Variants in AK9 observed in about 807,000 individuals in gnomAD.
AK9 encodes the protein adenylate kinase 9, also known as adenylate kinase domain containing 1.
Under a neutral mutation model 239.6 loss-of-function variants are expected in AK9, and 191 were observed. The observed-to-expected ratio is 0.80, with a 90% CI of 0.71 to 0.90. AK9 has a LOEUF of 0.90. Ranked by LOEUF, AK9 falls within the 40% of genes least tolerant of loss-of-function variation. The pLI is 0.00. For missense variants in AK9, 1,995 were observed against 2,214.7 expected (o/e 0.90, Z 1.99); for synonymous variants, 689 against 721.0 (o/e 0.96, Z 0.71).
rs890245775 is a variant in AK9, at chr6:109,514,306, T to C, written c.4197A>G (p.Lys1399=). ...TKEKFMKNPI[K]YIRQPKPKPT... ...GCTTAGGTTTGGGTTGGCGGATATA[T>C]TTGATTGGGTTCTTCATAAATTTTT... Residue 1399 remains lysine, a synonymous_variant, in exon 32 of 41, where the codon AAA becomes AAG. Transcript: ENST00000424296. 1.3e-6 allele frequency: 2 copies of C among 1,551,666 alleles called. No homozygotes were observed. Among genetic ancestry groups the C allele is most frequent in the South Asian group, 1.2e-5 (1 of 84,042 alleles).
intron 29 of AK9, chr6:109,527,510 T>C (rs1368752536): frequency 1.3e-5 from 2 of 152,254 alleles, no homozygotes; most frequent in East Asian, 3.9e-4. Flanking sequence ...CACTGACCAA[T>C]AGTAACAAGC....
At position 109,497,823 on chromosome 6, in the gene AK9, G is replaced by C. The variant is rs774082870; in HGVS notation, c.5189C>G (p.Pro1730Arg). Residue 1730 changes from proline (P) to arginine (R), a missense_variant, in exon 37 of 41, where the codon CCA becomes CGA. Coordinates refer to ENST00000424296, the MANE Select transcript of AK9 (RefSeq NM_001145128.3). Reference protein sequence around the residue: ...PKCAELQGYCPVTYKDGNQRY... With the variant: ...PKCAELQGYCRVTYKDGNQRY... ...TTGGTTTCCATCCTTATAGGTCACT[G>C]GACAGTAGCCCTGGAGCTCCGCACA... is the stretch of plus-strand genomic sequence containing the variant. 1.2e-5 allele frequency: 20 copies of C among 1,613,862 alleles called. No homozygotes were observed. The highest frequency in any genetic ancestry group is 1.7e-5 in the Non-Finnish European group (20 of 1,179,828).
At chr6:109,588,579 C>CT (rs1283589936) in intron 17 of AK9, among the ~76,000 whole-genome samples, 1 of 152,046 alleles carries the variant, frequency 6.6e-6, no homozygotes, top group African/African-American at 2.4e-5. Context: ...TCTTCAGAAA[C>CT]TTTTCATTTA....
intron 24 of AK9, among the ~76,000 whole-genome samples, chr6:109,556,990 C>T (rs1045487876): frequency 3.9e-5 from 6 of 152,170 alleles, no homozygotes; most frequent in African/African-American, 1.4e-4. Flanking sequence ...TCTGTCAGTT[C>T]ATCCATCTGA....
intron 17 of AK9, among the ~76,000 whole-genome samples, chr6:109,608,291 A>C (rs947159204): frequency 6.6e-6 from 1 of 151,620 alleles, no homozygotes; most frequent in Non-Finnish European, 1.5e-5. Flanking sequence ...AAAAAAAAAA[A>C]AAAAAAACTA....
chr6:109,596,993 G>C (rs952225673), intron 17 of AK9, among the ~76,000 whole-genome samples: 11 of 151,818 alleles, frequency 7.2e-5, no homozygotes, highest in African/African-American at 2.4e-4. Context: ...ACCCCTTACT[G>C]TTAAATATTT....
intron 17 of AK9, among the ~76,000 whole-genome samples, chr6:109,606,405 A>C (rs1792890075): frequency 6.6e-6 from 1 of 152,194 alleles, no homozygotes; most frequent in African/African-American, 2.4e-5. Context: ...TGCGAAGTAC[A>C]CAGAAATGAA....
intron 5 of AK9, among the ~76,000 whole-genome samples, chr6:109,670,416 A>T (rs1279508704): frequency 1.9e-4 from 29 of 152,208 alleles, no homozygotes; most frequent in Non-Finnish European, 2.9e-5. Context: ...GAAGGGAGTA[A>T]GTAGAAGTGT....
At position 109,632,905 on chromosome 6, in the gene AK9, A is replaced by G; in HGVS notation, c.1254+18T>C. 1 of 1,609,656 alleles carries G rather than the reference A, an allele frequency of 6.2e-7. No individual in the cohort carries two copies. Among genetic ancestry groups the G allele is most frequent in the Non-Finnish European group, 8.5e-7 (1 of 1,177,084 alleles). On this transcript the variant is annotated intron_variant, in intron 12 of 40. Coordinates refer to ENST00000424296, the MANE Select transcript of AK9 (RefSeq NM_001145128.3). ...TAGATAGATAGATAGATAGATAGAC[A>G]GATAGTTAGTTAGTCACCTTTCCTT... is the stretch of plus-strand genomic sequence containing the variant.
intron 8 of AK9, among the ~76,000 whole-genome samples, chr6:109,651,889 C>T (rs1157573327): frequency 2.0e-5 from 3 of 152,066 alleles, no homozygotes; most frequent in Non-Finnish European, 4.4e-5. Context: ...CAATAACAGG[C>T]TCTGAAATTG....
At chr6:109,602,688 C>T (rs1426638347) in intron 17 of AK9, among the ~76,000 whole-genome samples, 2 of 152,146 alleles carry the variant, frequency 1.3e-5, no homozygotes, top group East Asian at 3.8e-4. Flanking sequence ...GTTCCATTCT[C>T]CCTGTCACTT....
At chr6:109,601,831 C>A (rs1792025530) in intron 17 of AK9, among the ~76,000 whole-genome samples, 1 of 570 alleles carries the variant, frequency 1.8e-3, no homozygotes, top group African/African-American at 0.013. Flanking sequence ...TACCATTATG[C>A]AATGACCTTG....
chr6:109,539,166 G>A (rs1311540301), intron 27 of AK9, among the ~76,000 whole-genome samples: 4 of 152,116 alleles, frequency 2.6e-5, no homozygotes, highest in Admixed American at 2.6e-4. Flanking sequence ...TGCTAGGTTG[G>A]GGAAATTCTC....
At chr6:109,641,497 A>G (rs374722074) in intron 10 of AK9, 21 bp downstream of exon 10, 48 of 1,587,840 alleles carry the variant, frequency 3.0e-5, no homozygotes, top group Non-Finnish European at 4.1e-5. Context: ...TTAGACTTTC[A>G]GACAGTTCCA....
intron 7 of AK9, among the ~76,000 whole-genome samples, chr6:109,657,760 T>A (rs1799904368): frequency 6.6e-6 from 1 of 152,064 alleles, no homozygotes; most frequent in South Asian, 2.1e-4. Context: ...CCAAGTGTTC[T>A]CATTATTCAA....
At chr6:109,602,114 C>T (rs1323701725) in intron 17 of AK9, among the ~76,000 whole-genome samples, 1 of 152,182 alleles carries the variant, frequency 6.6e-6, no homozygotes, top group Non-Finnish European at 1.5e-5. Context: ...TTGATCCTGT[C>T]ATTATGATAT....
chr6:109,632,664 G>T, intron 12 of AK9: 1 of 781,932 alleles, frequency 1.3e-6, no homozygotes, highest in Non-Finnish European at 1.7e-6. Flanking sequence ...GAGTCTGAAT[G>T]ACACGATATT....
rs778902153 is a variant in AK9 at position 109,633,216 on chromosome 6, G to A, written c.1041C>T (p.Asn347=). 5.6e-5 allele frequency: 90 copies of A among 1,601,632 alleles called. No individual in the cohort carries two copies. Among genetic ancestry groups the A allele is most frequent in the Middle Eastern group, 5.0e-4 (3 of 6,050 alleles). ...RTCPVNLKDG[N]IYSGLPDYSV... ...AATAATCTGGTAATCCTGAATAAAT[G>A]TTACCATCTTTTAAATTCACAGGAC... The change falls in exon 11 of 41, where the codon AAC becomes AAT. Residue 347 remains asparagine (N), a synonymous_variant. Transcript: ENST00000424296.
chr6:109,665,630 G>C (rs924307060), intron 5 of AK9, among the ~76,000 whole-genome samples: 1 of 152,106 alleles, frequency 6.6e-6, no homozygotes, highest in African/African-American at 2.4e-5. Flanking sequence ...ATTAACTCCT[G>C]GTCTGACACA....
Sources: allele counts gnomAD v4.1 joint callset (sites outside exome capture counted in the v4.1 genomes callset), GRCh38; gene constraint gnomAD v4.1.1; transcripts MANE v1.5; gene names NCBI Gene and HGNC (gene_info 2026-07-23, HGNC 2026-07-21).